The following ASB15 variants were observed in gnomAD, a reference collection of about 807,000 sequenced individuals.
The protein encoded by ASB15 is ankyrin repeat and SOCS box protein 15.
In ASB15, 54 loss-of-function variants were observed where a neutral mutation model predicts 58.0. The ratio of observed to expected loss-of-function variants is 0.93; its 90% CI spans 0.75 to 1.17. ASB15 has a LOEUF of 1.17. Among genes scored for constraint, ASB15 ranks in the 50% most tolerant of loss-of-function variants. The pLI is 0.00. For synonymous variants in ASB15, 249 were observed against 262.4 expected, an observed-to-expected ratio of 0.95 and a Z score of 0.50; for missense variants, 680 against 707.4, an observed-to-expected ratio of 0.96 and a Z score of 0.44.
chr7:123,577,133 A>G (rs776777701), intron 1 of ASB15, among the ~76,000 whole-genome samples: 4 of 152,112 alleles, frequency 2.6e-5, no homozygotes, highest in Admixed American at 1.3e-4. Flanking sequence ...TGTCTTTTTC[A>G]TATTATTTGT....
chr7:123,570,495 T>C (rs1036919447), intron 1 of ASB15, among the ~76,000 whole-genome samples: 2 of 151,974 alleles, frequency 1.3e-5, no homozygotes, highest in Non-Finnish European at 2.9e-5. Flanking sequence ...AATGGCCTTT[T>C]CTTTATTTCT....
chr7:123,590,883 C>T (rs910210083), intron 1 of ASB15, among the ~76,000 whole-genome samples: 3 of 152,182 alleles, frequency 2.0e-5, no homozygotes, highest in East Asian at 1.9e-4. Context: ...TATAAATTAC[C>T]TTGGGCAGTA....
chr7:123,629,445 C>A lies in ASB15; in HGVS notation c.1440+11C>A, dbSNP rs1802006132. The A allele has an allele frequency of 3.2e-6, 5 of 1,571,422 alleles. No individual in the cohort carries two copies. The highest frequency in any genetic ancestry group is 1.1e-5 in the South Asian group (1 of 87,118). On this transcript the variant is annotated intron_variant, in intron 10 of 11. Transcript: ENST00000451215. ...ATAAAAGATAACCCGGTGAGTTATG[C>A]CTTTTCTGCTTTATATTGAGTTATC...
intron 1 of ASB15, among the ~76,000 whole-genome samples, chr7:123,593,292 G>A (rs1799596342): frequency 6.6e-6 from 1 of 152,122 alleles, no homozygotes; most frequent in African/African-American, 2.4e-5. Flanking sequence ...ATATTGTTAT[G>A]TGTGAGTTTG....
intron 10 of ASB15, among the ~76,000 whole-genome samples, 196 bp downstream of exon 10, chr7:123,629,630 G>A (rs1434866281): frequency 4.6e-5 from 7 of 151,546 alleles, no homozygotes; most frequent in Non-Finnish European, 1.0e-4. Flanking sequence ...AAAATATGTT[G>A]TTTGTTTTTT....
At chr7:123,590,780 G>A (rs1316902432) in intron 1 of ASB15, among the ~76,000 whole-genome samples, 4 of 152,040 alleles carry the variant, frequency 2.6e-5, no homozygotes, top group Non-Finnish European at 4.4e-5. Context: ...TTGGCTATGC[G>A]GGCTCCTTTT....
intron 11 of ASB15, among the ~76,000 whole-genome samples, chr7:123,632,508 GT>G (rs1480288708): frequency 3.9e-5 from 6 of 152,064 alleles, no homozygotes; most frequent in African/African-American, 1.2e-4. Context: ...TGGATAAGTT[GT>G]TTGGCGGTGA....
At chr7:123,634,769 T>A (rs926789647) in intron 11 of ASB15, among the ~76,000 whole-genome samples, 6 of 152,226 alleles carry the variant, frequency 3.9e-5, no homozygotes, top group African/African-American at 1.4e-4. Flanking sequence ...GTTATCACCA[T>A]TATATAGCCT....
At chr7:123,588,902 T>C (rs1353882523) in intron 1 of ASB15, among the ~76,000 whole-genome samples, 3 of 151,906 alleles carry the variant, frequency 2.0e-5, no homozygotes, top group Admixed American at 2.0e-4. Context: ...TATTGGTTTC[T>C]TGTTCCATAC....
intron 1 of ASB15, among the ~76,000 whole-genome samples, chr7:123,580,778 A>G (rs1249539923): frequency 6.6e-6 from 1 of 152,006 alleles, no homozygotes; most frequent in Non-Finnish European, 1.5e-5. Context: ...AAGCCCTGAG[A>G]TAAGGGCTTA....
intron 1 of ASB15, among the ~76,000 whole-genome samples, chr7:123,578,393 C>T (rs1398146089): frequency 6.6e-6 from 1 of 151,854 alleles, no homozygotes; most frequent in African/African-American, 2.4e-5. Flanking sequence ...GCCTAAACAT[C>T]TGTCATTTTA....
intron 1 of ASB15, among the ~76,000 whole-genome samples, chr7:123,573,576 C>G (rs960254290): frequency 1.3e-5 from 2 of 152,080 alleles, no homozygotes; most frequent in Non-Finnish European, 2.9e-5. Flanking sequence ...CCCCTGCCAT[C>G]CCAAACACTC....
Position 123,617,690 on chromosome 7 carries a change from T to A in ASB15, c.404T>A (p.Val135Glu), listed in dbSNP as rs764116233. Residue 135 changes from valine (V) to glutamate (E), a missense_variant, in exon 7 of 12, where the codon GTG becomes GAG. Val to Glu is a moderately radical substitution (Grantham distance 121). Coordinates refer to ENST00000451215, the MANE Select transcript of ASB15 (RefSeq NM_001290258.2). ...GTAAGAACTTTATTAGAAAAGGGAG[T>A]GTGGCCCAACACAAAAAATGATAAA... is the stretch of plus-strand genomic sequence containing the variant. ...ENVRTLLEKG[V>E]WPNTKNDKGE... The A allele has an allele frequency of 2.5e-6, 4 of 1,613,014 alleles. No homozygotes were observed. The highest frequency in any genetic ancestry group is 3.4e-6 in the Non-Finnish European group (4 of 1,179,054).
chr7:123,593,204 A>G (rs1799592623), intron 1 of ASB15, among the ~76,000 whole-genome samples: 1 of 152,080 alleles, frequency 6.6e-6, no homozygotes, highest in African/African-American at 2.4e-5. Flanking sequence ...TAGCACACAG[A>G]TGGGTCTTGA....
At chr7:123,616,555 T>C (rs1800831292) in intron 6 of ASB15, 60 bp downstream of exon 6, 22 of 1,516,724 alleles carry the variant, frequency 1.5e-5, no homozygotes, top group African/African-American at 2.8e-5. Context: ...ATGTTGATGT[T>C]ATAAGTGTTT....
intron 7 of ASB15, among the ~76,000 whole-genome samples, chr7:123,623,934 A>G (rs1219812684): frequency 4.8e-3 from 20 of 4,210 alleles, no homozygotes; most frequent in African/African-American, 9.8e-3. Flanking sequence ...AAGAAAGAAA[A>G]GAAAGAAAGA....
rs757116320 is a variant in ASB15, at chr7:123,616,242, A to T, written c.129A>T (p.Gln43His). ...CPERFVPLSA[Q>H]NRKLVEAIKQ... ...ATAGATTTGTACCCCTAAGTGCTCA[A>T]AACAGAAAACTTGTGGAGGCCATAA... The change falls in exon 5 of 12, where the codon CAA (glutamine) becomes CAT (histidine). Residue 43 changes from glutamine (Q) to histidine (H), a missense_variant. By Grantham distance (24) the Gln-to-His change is conservative (BLOSUM62 0). Coordinates refer to ENST00000451215, the MANE Select transcript of ASB15 (RefSeq NM_001290258.2). 6.2e-7 allele frequency: 1 copy of T among 1,606,426 alleles called. No individual in the cohort carries two copies. Among genetic ancestry groups the T allele is most frequent in the Non-Finnish European group, 8.5e-7 (1 of 1,173,142 alleles).
chr7:123,628,544 TG>T (rs1392076089), intron 9 of ASB15, among the ~76,000 whole-genome samples: 1 of 152,206 alleles, frequency 6.6e-6, no homozygotes, highest in Non-Finnish European at 1.5e-5. Flanking sequence ...TAGTATTGGT[TG>T]CCTGTAAATA....
chr7:123,619,140 A>G (rs1801042713), intron 7 of ASB15, among the ~76,000 whole-genome samples: 1 of 139,488 alleles, frequency 7.2e-6, no homozygotes, highest in Non-Finnish European at 1.5e-5. Flanking sequence ...AGATCGCACC[A>G]CTGTACTCCA....
Sources: allele counts gnomAD v4.1 joint callset (sites outside exome capture counted in the v4.1 genomes callset), GRCh38; gene constraint gnomAD v4.1.1; transcripts MANE v1.5; gene names NCBI Gene and HGNC (gene_info 2026-07-23, HGNC 2026-07-21).